MDGA2: variants seen among roughly 807,000 people sequenced by gnomAD.
The protein encoded by MDGA2 is MAM domain-containing glycosylphosphatidylinositol anchor protein 2.
In MDGA2, 40 loss-of-function variants were observed where a neutral mutation model predicts 117.8. The observed-to-expected ratio is 0.34, with a 90% CI of 0.26 to 0.44. MDGA2 has a LOEUF of 0.44. Among genes scored for constraint, MDGA2 ranks in the 20% least tolerant of loss-of-function variants. MDGA2 has a pLI of 1.00. For missense variants in MDGA2, 1,123 were observed against 1,250.6 expected (o/e 0.90, Z 1.54); for synonymous variants, 452 against 439.0 (o/e 1.03, Z -0.37).
intron 1 of MDGA2, among the ~76,000 whole-genome samples, chr14:47,456,318 G>C (rs1555323931): frequency 6.7e-6 from 1 of 149,238 alleles, no homozygotes; most frequent in Non-Finnish European, 1.5e-5. Context: ...TTGAGAAGGA[G>C]TTTCGCTCTT....
At chr14:46,910,562 G>A (rs1191057833) in intron 10 of MDGA2, among the ~76,000 whole-genome samples, 2 of 152,054 alleles carry the variant, frequency 1.3e-5, no homozygotes, top group African/African-American at 4.8e-5. Flanking sequence ...CATTCCCCTC[G>A]AAACCAGCAC....
chr14:47,649,685 A>AAAAAC (rs56177749), intron 1 of MDGA2, among the ~76,000 whole-genome samples: 59,943 of 150,194 alleles, frequency 0.4, 12,995 homozygotes, highest in Middle Eastern at 0.51. Flanking sequence ...GCTTCATCTC[A>AAAAAC]AAAACAAAAC....
At chr14:46,947,834 A>AT (rs763148672) in intron 9 of MDGA2, among the ~76,000 whole-genome samples, 2 of 150,820 alleles carry the variant, frequency 1.3e-5, no homozygotes, top group African/African-American at 4.9e-5. Flanking sequence ...TTACTTTCTA[A>AT]TTTAAAAAAA....
chr14:47,088,612 T>C (rs1322858155), intron 6 of MDGA2, among the ~76,000 whole-genome samples: 2 of 152,328 alleles, frequency 1.3e-5, no homozygotes, highest in East Asian at 1.9e-4. Context: ...TGGGCTATAT[T>C]TGATCAAATC....
At chr14:46,892,420 T>G (rs1882919209) in intron 10 of MDGA2, among the ~76,000 whole-genome samples, 1 of 151,912 alleles carries the variant, frequency 6.6e-6, no homozygotes, top group Admixed American at 6.6e-5. Flanking sequence ...GAAAAAGGGA[T>G]GGAAGCCCCT....
intron 11 of MDGA2, among the ~76,000 whole-genome samples, chr14:46,881,009 AACAC>A (rs72117373): frequency 0.077 from 11,232 of 145,430 alleles, 1,268 homozygotes; most frequent in African/African-American, 0.25. Context: ...AACTATCACT[AACAC>A]ACACACACAC....
intron 1 of MDGA2, among the ~76,000 whole-genome samples, chr14:47,309,672 T>A (rs943409558): frequency 6.6e-6 from 1 of 152,066 alleles, no homozygotes; most frequent in Admixed American, 6.6e-5. Context: ...GTTGACATAA[T>A]TTTTTAGGTT....
intron 7 of MDGA2, among the ~76,000 whole-genome samples, chr14:47,038,673 C>T (rs940080885): frequency 6.6e-6 from 1 of 151,944 alleles, no homozygotes; most frequent in African/African-American, 2.4e-5. Flanking sequence ...TGCGGTGGCT[C>T]ATGCCTATAA....
intron 1 of MDGA2, among the ~76,000 whole-genome samples, chr14:47,592,999 G>C (rs1212946461): frequency 6.6e-6 from 1 of 151,842 alleles, no homozygotes; most frequent in Non-Finnish European, 1.5e-5. Context: ...CTGACAAAGG[G>C]CTCATATCCT....
At chr14:46,983,455 C>T (rs1038778727) in intron 8 of MDGA2, among the ~76,000 whole-genome samples, 10 of 151,742 alleles carry the variant, frequency 6.6e-5, no homozygotes, top group South Asian at 4.2e-4. Context: ...CTCTGTCAAC[C>T]GAAATATTCT....
intron 4 of MDGA2, 141 bp from the exon 5 acceptor site, chr14:47,131,987 C>T (rs184405578): frequency 8.6e-6 from 5 of 584,252 alleles, no homozygotes; most frequent in African/African-American, 5.7e-5. Flanking sequence ...GGGAAATGTC[C>T]TATCTTTCAA....
At chr14:47,154,153 G>A (rs1279166420) in intron 3 of MDGA2, among the ~76,000 whole-genome samples, 1 of 152,158 alleles carries the variant, frequency 6.6e-6, no homozygotes, top group Admixed American at 6.5e-5. Flanking sequence ...AGCAGAGAGA[G>A]TTTGTTTTTC....
At chr14:47,654,518 A>C (rs1400349098) in intron 1 of MDGA2, among the ~76,000 whole-genome samples, 5 of 152,132 alleles carry the variant, frequency 3.3e-5, no homozygotes, top group African/African-American at 1.2e-4. Flanking sequence ...ACAATAGCTC[A>C]AAAGAGCCAC....
intron 1 of MDGA2, among the ~76,000 whole-genome samples, chr14:47,588,227 G>GATAT (rs1566528680): frequency 3.8e-5 from 3 of 79,162 alleles, no homozygotes; most frequent in African/African-American, 1.6e-4. Context: ...AAATCTCTTG[G>GATAT]AGATAGATAG....
At chr14:47,608,964 A>C (rs1896789719) in intron 1 of MDGA2, among the ~76,000 whole-genome samples, 1 of 152,066 alleles carries the variant, frequency 6.6e-6, no homozygotes, top group East Asian at 1.9e-4. Context: ...TGAGCAACTA[A>C]AAGAATGAAT....
rs71448163 is a variant in MDGA2, at chr14:47,072,101, TG to T, written c.1196-10524del. ...AGGAAGTTTGTTGGTTGTTGTTGTT[TG>T]GGGGGGGGGGGGTTTGCAGGTATTA... On this transcript the variant is annotated intron_variant, in intron 6 of 16. Coordinates refer to ENST00000399232, the MANE Select transcript of MDGA2 (RefSeq NM_001113498.3). Among the ~76,000 whole-genome samples the T allele has an allele frequency of 5.2e-3, 266 of 51,608 alleles. 13 individuals carry two copies. Among genetic ancestry groups the T allele is most frequent in the Admixed American group, 0.013 (49 of 3,820 alleles). The allele number at this position is 51,608 out of a possible 152,430, so 33.9% of individuals were successfully genotyped here. A position where few individuals can be genotyped will look rare whatever the true frequency, so the allele number is the denominator to read the frequency against.
intron 8 of MDGA2, among the ~76,000 whole-genome samples, chr14:47,006,469 A>G (rs1887715439): frequency 6.7e-6 from 1 of 148,264 alleles, no homozygotes; most frequent in Admixed American, 6.8e-5. Context: ...AAATATATAA[A>G]ATATCATTAA....
chr14:47,631,637 A>T (rs1024530159), intron 1 of MDGA2, among the ~76,000 whole-genome samples: 1 of 152,076 alleles, frequency 6.6e-6, no homozygotes, highest in Admixed American at 6.5e-5. Flanking sequence ...TTTTCACCCA[A>T]TATCTCTCCT....
intron 1 of MDGA2, among the ~76,000 whole-genome samples, chr14:47,565,177 G>A (rs112366171): frequency 6.8e-4 from 103 of 152,310 alleles, no homozygotes; most frequent in African/African-American, 2.3e-3. Flanking sequence ...ATTTGGAGGT[G>A]AGAAGACTCT....
Sources: allele counts gnomAD v4.1 joint callset (sites outside exome capture counted in the v4.1 genomes callset), GRCh38; gene constraint gnomAD v4.1.1; transcripts MANE v1.5; gene names NCBI Gene and HGNC (gene_info 2026-07-23, HGNC 2026-07-21).